CCSER1: variants seen among roughly 807,000 people sequenced by gnomAD.
CCSER1 encodes the protein serine-rich coiled-coil domain-containing protein 1.
CCSER1 carries 41 observed loss-of-function variants against 82.0 expected under a neutral mutation model. That is an observed-to-expected ratio of 0.50 (90% CI 0.39 to 0.65). The LOEUF is 0.65. Ranked by LOEUF, CCSER1 falls within the 30% of genes least tolerant of loss-of-function variation. CCSER1 has a pLI of 0.00. For missense variants in CCSER1, 1,119 were observed against 1,064.2 expected, an observed-to-expected ratio of 1.05 and a Z score of -0.72; for synonymous variants, 414 against 383.9, an observed-to-expected ratio of 1.08 and a Z score of -0.92.
chr4:90,547,453 A>C (rs913244508), intron 5 of CCSER1, among the ~76,000 whole-genome samples: 5 of 151,932 alleles, frequency 3.3e-5, no homozygotes. Context: ...ATACACTTTC[A>C]CTTTCATTTT....
rs184586265 is a variant in CCSER1 at position 90,328,316 on chromosome 4, C to G, written c.1509+15269C>G. Among the ~76,000 whole-genome samples the G allele has an allele frequency of 1.3e-4, 19 of 142,506 alleles. 2 individuals carry two copies. The highest frequency in any genetic ancestry group is 1.0e-3 in the Admixed American group (15 of 14,366). The allele number at this position is 142,506 out of a possible 152,430, so 93.5% of individuals were successfully genotyped here. Reference sequence around the variant, plus strand: ...TAGAGAAATATGCAGTGATTTTGCCCTAATAGTTAATGGATTCTCTCCTTT... The same window carrying G: ...TAGAGAAATATGCAGTGATTTTGCCGTAATAGTTAATGGATTCTCTCCTTT... On this transcript the variant is annotated intron_variant, in intron 3 of 10. Coordinates refer to ENST00000509176, the MANE Select transcript of CCSER1 (RefSeq NM_001145065.2).
intron 10 of CCSER1, among the ~76,000 whole-genome samples, chr4:91,404,373 G>GT (rs1222068890): frequency 2.6e-5 from 4 of 151,948 alleles, no homozygotes; most frequent in African/African-American, 7.3e-5. Flanking sequence ...TTCTTGAAGG[G>GT]TTTTTTTCTG....
intron 1 of CCSER1, among the ~76,000 whole-genome samples, chr4:90,203,762 G>A (rs574481625): frequency 5.9e-5 from 9 of 152,216 alleles, no homozygotes; most frequent in African/African-American, 1.7e-4. Context: ...ATGAGGAATC[G>A]CCACCCTGTC....
chr4:90,453,317 C>T (rs1578540919), intron 4 of CCSER1, among the ~76,000 whole-genome samples: 1 of 152,324 alleles, frequency 6.6e-6, no homozygotes, highest in South Asian at 2.1e-4. Flanking sequence ...GGGACCACAG[C>T]CTCATTAATG....
intron 10 of CCSER1, among the ~76,000 whole-genome samples, chr4:91,117,622 G>A (rs994256902): frequency 7.9e-5 from 12 of 152,058 alleles, no homozygotes; most frequent in Non-Finnish European, 1.6e-4. Context: ...TCAAGGCTTC[G>A]AAAGGTACCT....
At chr4:90,798,538 G>GAA (rs75172470) in intron 7 of CCSER1, among the ~76,000 whole-genome samples, 12 of 151,770 alleles carry the variant, frequency 7.9e-5, no homozygotes, top group African/African-American at 2.9e-4. Flanking sequence ...TCATTTGGTG[G>GAA]AAAAAAAGGC....
intron 10 of CCSER1, among the ~76,000 whole-genome samples, chr4:91,520,426 T>C (rs1005330492): frequency 1.3e-5 from 2 of 152,156 alleles, no homozygotes; most frequent in African/African-American, 4.8e-5. Flanking sequence ...TATAGTTTTT[T>C]CCCTACCCTC....
In CCSER1 at chr4:91,444,548, C is replaced by T. The variant is rs534312174; in HGVS notation, c.2218-154024C>T. Among the ~76,000 whole-genome samples the T allele has an allele frequency of 7.9e-5, 12 of 152,042 alleles. No homozygotes were observed. The East Asian group carries it at 1.9e-3, about 25-fold the overall frequency. On this transcript the variant is annotated intron_variant, in intron 10 of 10. Transcript: ENST00000509176. ...CACTGCAACTTCCACCTCCTGGGTT[C>T]AAGCGATCCTCCTGCCTCGGCCTCC...
chr4:91,394,406 A>G (rs1751840751), intron 10 of CCSER1, among the ~76,000 whole-genome samples: 1 of 152,102 alleles, frequency 6.6e-6, no homozygotes, highest in Non-Finnish European at 1.5e-5. Context: ...TTTGTTAAAA[A>G]TTAAATAGAA....
chr4:90,854,011 ATATAG>A (rs904717027), intron 8 of CCSER1, among the ~76,000 whole-genome samples: 16 of 152,332 alleles, frequency 1.1e-4, no homozygotes, highest in African/African-American at 3.1e-4. Context: ...TCAGAGAAGT[ATATAG>A]TATAGTATGG....
chr4:91,221,251 C>T (rs1232658483), intron 10 of CCSER1, among the ~76,000 whole-genome samples: 1 of 151,900 alleles, frequency 6.6e-6, no homozygotes, highest in Non-Finnish European at 1.5e-5. Context: ...TCTCACTATC[C>T]ACAAAATGCA....
intron 6 of CCSER1, among the ~76,000 whole-genome samples, chr4:90,657,440 G>T (rs1560896391): frequency 6.6e-6 from 1 of 152,074 alleles, no homozygotes; most frequent in Non-Finnish European, 1.5e-5. Context: ...TAAACAATCT[G>T]ATCCAGTATC....
intron 5 of CCSER1, among the ~76,000 whole-genome samples, chr4:90,515,073 G>C (rs1316604905): frequency 6.6e-6 from 1 of 151,978 alleles, no homozygotes; most frequent in African/African-American, 2.4e-5. Flanking sequence ...GGTCAGGCTG[G>C]TCTCGAACTC....
At chr4:90,916,161 C>G (rs985826204) in intron 8 of CCSER1, among the ~76,000 whole-genome samples, 1 of 152,098 alleles carries the variant, frequency 6.6e-6, no homozygotes, top group African/African-American at 2.4e-5. Context: ...TTGGAAAAAA[C>G]TACTTTAAAG....
At chr4:90,552,619 C>A (rs936700626) in intron 5 of CCSER1, among the ~76,000 whole-genome samples, 2 of 151,910 alleles carry the variant, frequency 1.3e-5, no homozygotes, top group Non-Finnish European at 2.9e-5. Context: ...CTACACCTGG[C>A]TAATTTTTTG....
chr4:90,990,709 G>A (rs1011775410), intron 9 of CCSER1, among the ~76,000 whole-genome samples: 1 of 151,618 alleles, frequency 6.6e-6, no homozygotes, highest in African/African-American at 2.4e-5. Flanking sequence ...ACATTCCCTG[G>A]GTCTTTCTAA....
At chr4:90,701,301 T>C (rs1738066524) in intron 6 of CCSER1, among the ~76,000 whole-genome samples, 1 of 152,100 alleles carries the variant, frequency 6.6e-6, no homozygotes, top group Non-Finnish European at 1.5e-5. Flanking sequence ...TGTAGATGTG[T>C]GGTATTATTT....
intron 1 of CCSER1, among the ~76,000 whole-genome samples, chr4:90,155,156 G>C (rs935652885): frequency 6.6e-6 from 1 of 152,050 alleles, no homozygotes; most frequent in Non-Finnish European, 1.5e-5. Context: ...TTTTGTCTTT[G>C]GTTCTGTTTA....
At chr4:90,483,311 C>G (rs1234650246) in intron 5 of CCSER1, among the ~76,000 whole-genome samples, 2 of 152,162 alleles carry the variant, frequency 1.3e-5, no homozygotes, top group African/African-American at 4.8e-5. Flanking sequence ...ACTAATGGGT[C>G]TTGACTCTTT....
Sources: gnomAD v4.1 joint callset for allele counts (sites outside exome capture counted in the v4.1 genomes callset) on GRCh38, gnomAD v4.1.1 for gene constraint, MANE v1.5 for transcripts, NCBI Gene and HGNC (gene_info 2026-07-23, HGNC 2026-07-21) for gene names.